Variants in LGSN observed in about 807,000 individuals in gnomAD.
LGSN encodes lengsin, lens protein with glutamine synthetase domain.
A neutral mutation model predicts 19.5 loss-of-function variants in LGSN; 21 were observed. The observed-to-expected ratio is 1.07, with a 90% confidence interval of 0.76 to 1.55. The LOEUF (loss-of-function observed/expected upper bound fraction) is 1.55, where lower values mean the gene tolerates loss of function less well. Ranked by LOEUF, LGSN falls within the 40% of genes most tolerant of loss-of-function variation. The probability of loss-of-function intolerance (pLI) is 0.00; values close to 1 mark genes in which losing one functional copy is unlikely to be tolerated. For missense variants in LGSN, 673 were observed against 608.5 expected, an observed-to-expected ratio of 1.11 and a Z score of -1.12; for synonymous variants, 257 against 215.6, an observed-to-expected ratio of 1.19 and a Z score of -1.68.
chr6:63,411,292 C>T, the LGSN span, among the ~76,000 whole-genome samples: 16 of 152,188 alleles, frequency 1.1e-4, no homozygotes, highest in South Asian at 2.3e-3. Context: ...TTTCAGTTTT[C>T]GGTTTTGTTA....
the LGSN span, among the ~76,000 whole-genome samples, chr6:63,380,569 AT>A: frequency 2.0e-5 from 3 of 150,818 alleles, no homozygotes; most frequent in Admixed American, 1.3e-4. Context: ...TTCTGAAAAC[AT>A]TTTTTTTTCA....
chr6:63,494,193 G>A, the LGSN span, among the ~76,000 whole-genome samples: 22 of 151,872 alleles, frequency 1.4e-4, no homozygotes, highest in East Asian at 1.2e-3. Context: ...CAGGTGATCC[G>A]CCCGCCTCAG....
the LGSN span, among the ~76,000 whole-genome samples, chr6:63,482,612 C>T: frequency 6.6e-6 from 1 of 152,200 alleles, no homozygotes; most frequent in Admixed American, 6.5e-5. Flanking sequence ...GCCTGTGGTC[C>T]CAGCTTCTCA....
the LGSN span, among the ~76,000 whole-genome samples, chr6:63,562,400 T>C: frequency 2.0e-5 from 3 of 152,176 alleles, no homozygotes; most frequent in South Asian, 2.1e-4. Context: ...CGTTTCTCCA[T>C]GTTGGTCAGG....
the LGSN span, among the ~76,000 whole-genome samples, chr6:63,473,472 TAAAAAAAAAAAAAAA>T: frequency 5.1e-5 from 3 of 59,368 alleles, no homozygotes; most frequent in African/African-American, 7.5e-5. Context: ...ACACTCTGTC[TAAAAAAAAAAAAAAA>T]AAAAAAAAAA....
At chr6:63,312,140 C>A (rs1310456935) in intron 1 of LGSN, among the ~76,000 whole-genome samples, 3 of 152,202 alleles carry the variant, frequency 2.0e-5, no homozygotes, top group Admixed American at 1.3e-4. Context: ...TCCTTCCTTT[C>A]AAAGGCTGAA....
chr6:63,542,272 G>A, the LGSN span, among the ~76,000 whole-genome samples: 72 of 152,086 alleles, frequency 4.7e-4, no homozygotes, highest in African/African-American at 1.6e-3. Flanking sequence ...GGGACTCAGG[G>A]GGAAAGGGTG....
At chr6:63,366,042 CCT>C in the LGSN span, among the ~76,000 whole-genome samples, 1 of 152,186 alleles carries the variant, frequency 6.6e-6, no homozygotes, top group East Asian at 1.9e-4. Context: ...ACAGGGATGC[CCT>C]CTCTCACCAC....
the LGSN span, among the ~76,000 whole-genome samples, chr6:63,359,132 C>G: frequency 6.6e-6 from 1 of 152,120 alleles, no homozygotes. Flanking sequence ...TGCTGGATTA[C>G]ATTTATTGAT....
intron 2 of LGSN, among the ~76,000 whole-genome samples, chr6:63,294,342 T>C (rs956090689): frequency 1.3e-5 from 2 of 151,706 alleles, no homozygotes; most frequent in Non-Finnish European, 2.9e-5. Context: ...CTCAAAAAAA[T>C]AAATTAATTA....
At chr6:63,480,866 T>C in the LGSN span, among the ~76,000 whole-genome samples, 68,688 of 142,272 alleles carry the variant, frequency 0.48, 18,308 homozygotes, top group Non-Finnish European at 0.58. Flanking sequence ...TATAGCAACA[T>C]AATTACAATT....
At chr6:63,490,908 G>A in the LGSN span, among the ~76,000 whole-genome samples, 1 of 152,076 alleles carries the variant, frequency 6.6e-6, no homozygotes, top group Non-Finnish European at 1.5e-5. Flanking sequence ...AGATATCCAA[G>A]GGCAGGAAAA....
upstream of LGSN, among the ~76,000 whole-genome samples, chr6:63,321,186 G>A (rs1562023430): frequency 6.6e-6 from 1 of 152,058 alleles, no homozygotes; most frequent in Non-Finnish European, 1.5e-5. Flanking sequence ...ACAATGTCTT[G>A]TACCAGAGCC....
intron 2 of LGSN, among the ~76,000 whole-genome samples, chr6:63,290,229 C>G (rs1405103632): frequency 6.6e-6 from 1 of 151,770 alleles, no homozygotes; most frequent in Non-Finnish European, 1.5e-5. Context: ...CTTAATACAC[C>G]CTGAGCCAAA....
At position 63,280,709 on chromosome 6, in the gene LGSN, T is replaced by C. The variant is rs760707055; in HGVS notation, c.842A>G (p.Asn281Ser). ...GACACCTGTTCTGAGGGTAAATGCA[T>C]TATCAGCTGAGCTAATGCCAAATTC... ...LPEFGISSADNAFTLRTGVKE... is the reference protein window; with the variant it reads ...LPEFGISSADSAFTLRTGVKE... Residue 281 changes from asparagine (N) to serine (S), a missense_variant, in exon 4 of 4, where the codon AAT (asparagine) becomes AGT (serine). By Grantham distance (46) the Asn-to-Ser change is conservative (BLOSUM62 1). Transcript: ENST00000370657. 11 of 1,614,120 alleles carry C rather than the reference T, an allele frequency of 6.8e-6. No homozygotes were observed. The Admixed American group carries it at 1.0e-4, about 15-fold the overall frequency.
the LGSN span, among the ~76,000 whole-genome samples, chr6:63,448,694 T>C: frequency 6.6e-6 from 1 of 152,192 alleles, no homozygotes; most frequent in Non-Finnish European, 1.5e-5. Flanking sequence ...AGTTTTCTTC[T>C]TATTCTTTTT....
the LGSN span, among the ~76,000 whole-genome samples, chr6:63,517,616 A>G: frequency 6.6e-6 from 1 of 152,082 alleles, no homozygotes; most frequent in Non-Finnish European, 1.5e-5. Flanking sequence ...GACCTTCACT[A>G]TCTATCAACA....
At chr6:63,360,704 G>A in the LGSN span, among the ~76,000 whole-genome samples, 47 of 152,320 alleles carry the variant, frequency 3.1e-4, no homozygotes, top group East Asian at 7.7e-4. Flanking sequence ...GTGAGGAGCC[G>A]TGTTCCTTTG....
chr6:63,305,785 G>T (rs754022937), intron 1 of LGSN, among the ~76,000 whole-genome samples: 1 of 152,048 alleles, frequency 6.6e-6, no homozygotes, highest in Non-Finnish European at 1.5e-5. Flanking sequence ...ATCCAGCCAG[G>T]TGGGGTGGCT....
Sources: allele counts gnomAD v4.1 joint callset (sites outside exome capture counted in the v4.1 genomes callset), GRCh38; gene constraint gnomAD v4.1.1; transcripts MANE v1.5; gene names NCBI Gene and HGNC (gene_info 2026-07-23, HGNC 2026-07-21).